Variants in MAP3K7 observed in about 807,000 individuals in gnomAD.
The protein encoded by MAP3K7 is TGF-beta activated kinase 1.
MAP3K7 carries 21 observed loss-of-function variants against 84.8 expected under a neutral mutation model. The ratio of observed to expected loss-of-function variants is 0.25; its 90% CI spans 0.18 to 0.36. The LOEUF (loss-of-function observed/expected upper bound fraction) is 0.36, where lower values mean the gene tolerates loss of function less well. Ranked by LOEUF, MAP3K7 falls within the 10% of genes least tolerant of loss-of-function variation. MAP3K7 has a pLI of 1.00. For missense variants in MAP3K7, 503 were observed against 747.7 expected (o/e 0.67, Z 3.82); for synonymous variants, 241 against 247.7 (o/e 0.97, Z 0.25).
intron 13 of MAP3K7, among the ~76,000 whole-genome samples, chr6:90,524,767 C>T (rs1211001507): frequency 2.0e-5 from 3 of 152,032 alleles, no homozygotes; most frequent in Non-Finnish European, 4.4e-5. Flanking sequence ...GTGACAGAAA[C>T]AGTGAATTTA....
chr6:90,520,483 T>C (rs911966909), intron 14 of MAP3K7, among the ~76,000 whole-genome samples: 4 of 152,016 alleles, frequency 2.6e-5, no homozygotes, highest in Non-Finnish European at 5.9e-5. Context: ...AGCCAGTGCA[T>C]GTGAGGAACA....
chr6:90,530,946 C>T (rs777706971), intron 13 of MAP3K7, among the ~76,000 whole-genome samples: 1 of 152,154 alleles, frequency 6.6e-6, no homozygotes, highest in African/African-American at 2.4e-5. Flanking sequence ...ATTTAAGTTG[C>T]TCCTTCCTCT....
intron 1 of MAP3K7, 38 bp downstream of exon 1, chr6:90,586,726 A>AGGCCGGGACC: frequency 6.5e-7 from 1 of 1,547,368 alleles, no homozygotes; most frequent in South Asian, 1.2e-5. Flanking sequence ...GGGGCGGGGC[A>AGGCCGGGACC]GGCCGGGACC....
At chr6:90,552,289 T>C in intron 7 of MAP3K7, 110 bp from the exon 8 acceptor site, 1 of 1,007,456 alleles carries the variant, frequency 9.9e-7, no homozygotes, top group Non-Finnish European at 1.4e-6. Context: ...TCTTGTAGTT[T>C]AAGATCTGTA....
chr6:90,530,565 T>C (rs969252338), intron 13 of MAP3K7, among the ~76,000 whole-genome samples: 14 of 152,320 alleles, frequency 9.2e-5, no homozygotes, highest in African/African-American at 1.4e-4. Flanking sequence ...CTTGCACTTT[T>C]AATGCAAGTT....
At position 90,523,659 on chromosome 6, in the gene MAP3K7, G is replaced by A. The variant is rs1775226652; in HGVS notation, c.1462+19C>T. On this transcript the variant is annotated intron_variant, in intron 14 of 16. Transcript: ENST00000369329. ...ATGACTGATTCAACTTCATAAGTATGAAGAAACAGACTGGTCACCTGTGGA... is the reference window on the plus strand; with the variant it reads ...ATGACTGATTCAACTTCATAAGTATAAAGAAACAGACTGGTCACCTGTGGA... 4 of 1,536,516 alleles carry A rather than the reference G, an allele frequency of 2.6e-6. No individual in the cohort carries two copies. In the East Asian group the frequency reaches 9.0e-5, roughly 35 times the overall value.
chr6:90,541,696 T>C (rs1415559729), intron 12 of MAP3K7, among the ~76,000 whole-genome samples: 1 of 152,006 alleles, frequency 6.6e-6, no homozygotes, highest in African/African-American at 2.4e-5. Flanking sequence ...AATTGATAAA[T>C]AGTGCTGTTT....
At position 90,544,633 on chromosome 6, in the gene MAP3K7, C is replaced by G. The variant is rs1775947111; in HGVS notation, c.1211-1G>C. On this transcript the variant is annotated splice_acceptor_variant, in intron 11 of 16. Transcript: ENST00000369329. LOFTEE classifies it high-confidence loss of function. ...TGGCCCCGTTTAGGCTTGGAATAGG[C>G]TGCAAAAACACATATATACAGTATA... is the stretch of plus-strand genomic sequence containing the variant. 1 of 1,611,758 alleles carries G rather than the reference C, an allele frequency of 6.2e-7. No individual in the cohort carries two copies. The highest frequency in any genetic ancestry group is 8.5e-7 in the Non-Finnish European group (1 of 1,178,450).
intron 1 of MAP3K7, among the ~76,000 whole-genome samples, chr6:90,580,509 CAGGG>C (rs1344655643): frequency 2.0e-5 from 3 of 152,174 alleles, no homozygotes; most frequent in African/African-American, 7.2e-5. Context: ...TTTATAGAGA[CAGGG>C]TCTCACTATG....
At chr6:90,577,134 A>G (rs1261942674) in intron 1 of MAP3K7, among the ~76,000 whole-genome samples, 1 of 152,232 alleles carries the variant, frequency 6.6e-6, no homozygotes, top group African/African-American at 2.4e-5. Context: ...ATGGTAGTGC[A>G]GAAACTGGGC....
chr6:90,586,719 G>A, intron 1 of MAP3K7, 45 bp downstream of exon 1: 1 of 1,544,594 alleles, frequency 6.5e-7, no homozygotes, highest in Non-Finnish European at 8.7e-7. Context: ...AGAGGCGGGG[G>A]CGGGGCAGGC....
intron 2 of MAP3K7, 120 bp downstream of exon 2, chr6:90,571,577 A>G (rs1026194776): frequency 2.4e-5 from 12 of 506,810 alleles, no homozygotes; most frequent in Non-Finnish European, 4.1e-5. Context: ...ATTAAACCGA[A>G]TTGCTGATGT....
chr6:90,525,288 C>G (rs546170401), intron 13 of MAP3K7, among the ~76,000 whole-genome samples: 1 of 152,176 alleles, frequency 6.6e-6, no homozygotes, highest in South Asian at 2.1e-4. Context: ...CAAAAAATTA[C>G]TAGAGAAAGA....
chr6:90,585,992 A>C (rs1433029547), intron 1 of MAP3K7, among the ~76,000 whole-genome samples: 1 of 152,226 alleles, frequency 6.6e-6, no homozygotes, highest in Non-Finnish European at 1.5e-5. Context: ...TTGATGATCT[A>C]CTAATTTAAC....
Position 90,518,428 on chromosome 6 carries a change from T to C in MAP3K7, c.1640+19A>G. The C allele has an allele frequency of 1.6e-6, 2 of 1,250,546 alleles. No individual in the cohort carries two copies. Among genetic ancestry groups the C allele is most frequent in the Non-Finnish European group, 2.3e-6 (2 of 872,428 alleles). The allele number at this position is 1,250,546 out of a possible 1,614,324, so 77.5% of individuals were successfully genotyped here. A position where few individuals can be genotyped will look rare whatever the true frequency, so the allele number is the denominator to read the frequency against. On this transcript the variant is annotated intron_variant, in intron 16 of 16. Coordinates refer to ENST00000369329, the MANE Select transcript of MAP3K7 (RefSeq NM_145331.3). ...AAATACTAATGTATTTTTATTTTTA[T>C]TCATAAAAAATAACTTACTTTCTCT...
In MAP3K7 at chr6:90,523,736, T is replaced by C. The variant is rs769390351; in HGVS notation, c.1404A>G (p.Ser468=). The C allele has an allele frequency of 9.3e-6, 15 of 1,613,286 alleles. No homozygotes were observed. The East Asian group carries it at 3.3e-4, about 36-fold the overall frequency. The change falls in exon 14 of 17, where the codon TCA becomes TCG. Residue 468 remains serine, a synonymous_variant. Transcript: ENST00000369329. Reference sequence around the variant, plus strand: ...GAGTTGGCTTTTCTGAGGTTGGTCCTGAGGTAGTAATCATTCTGACACTGG... The same window carrying C: ...GAGTTGGCTTTTCTGAGGTTGGTCCCGAGGTAGTAATCATTCTGACACTGG... ...SSPSVRMITT[S]GPTSEKPTRS... is the part of the protein sequence containing the mutation.
intron 1 of MAP3K7, among the ~76,000 whole-genome samples, chr6:90,579,203 C>T (rs974031723): frequency 2.0e-5 from 3 of 152,110 alleles, no homozygotes; most frequent in South Asian, 4.1e-4. Flanking sequence ...AGATTATATT[C>T]GAATCAGATT....
intron 1 of MAP3K7, among the ~76,000 whole-genome samples, chr6:90,575,863 T>C (rs1044834645): frequency 6.6e-6 from 1 of 152,132 alleles, no homozygotes; most frequent in Non-Finnish European, 1.5e-5. Flanking sequence ...ATTTCTTTAG[T>C]GTGTACTACA....
At chr6:90,585,964 G>A (rs34356334) in intron 1 of MAP3K7, among the ~76,000 whole-genome samples, 114 of 152,298 alleles carry the variant, frequency 7.5e-4, no homozygotes, top group African/African-American at 2.6e-3. Flanking sequence ...CGGTGCTAAG[G>A]GAAACACTTT....
Sources: allele counts gnomAD v4.1 joint callset (sites outside exome capture counted in the v4.1 genomes callset), GRCh38; gene constraint gnomAD v4.1.1; transcripts MANE v1.5; gene names NCBI Gene and HGNC (gene_info 2026-07-23, HGNC 2026-07-21).